Variants in SMARCB1 observed in about 807,000 individuals in gnomAD.
SMARCB1 encodes SWI/SNF related BAF chromatin remodeling complex subunit B1.
A neutral mutation model predicts 49.0 loss-of-function variants in SMARCB1; 5 were observed. That is an observed-to-expected ratio of 0.10 (90% CI 0.05 to 0.21). The LOEUF is 0.21. Among genes scored for constraint, SMARCB1 ranks in the 10% least tolerant of loss-of-function variants. SMARCB1 has a pLI of 1.00. For synonymous variants in SMARCB1, 201 were observed against 200.1 expected, an observed-to-expected ratio of 1.00 and a Z score of -0.04; for missense variants, 226 against 509.2, an observed-to-expected ratio of 0.44 and a Z score of 5.35.
In SMARCB1 at chr22:23,787,280, C is replaced by G. The variant is rs753921249; in HGVS notation, c.93+18C>G. 3 of 1,505,714 alleles carry G rather than the reference C, an allele frequency of 2.0e-6. No individual in the cohort carries two copies. Among genetic ancestry groups the G allele is most frequent in the South Asian group, 1.2e-5 (1 of 86,914 alleles). 93.3% of individuals were successfully genotyped at this position (1,505,714 alleles called of 1,614,324 possible). On this transcript the variant is annotated intron_variant, in intron 1 of 8. Coordinates refer to ENST00000644036, the MANE Select transcript of SMARCB1 (RefSeq NM_003073.5). ...GCTCCGAGGTAGCCCGGGGCGCGTT[C>G]TCGCCCTCCCCGGGCTCGGCCCCGC...
chr22:23,830,649 C>CTTTTTTTTTT lies in SMARCB1; in HGVS notation c.987-2899_987-2890dup, dbSNP rs56800497. 1.2e-3 allele frequency among the ~76,000 whole-genome samples: 116 copies of CTTTTTTTTTT among 95,400 alleles called. 2 individuals carry two copies. The highest frequency in any genetic ancestry group is 6.4e-3 in the Middle Eastern group (1 of 156). 62.6% of individuals were successfully genotyped at this position (95,400 alleles called of 152,430 possible). Reference sequence around the variant, plus strand: ...TTCATTTTGATGTAGTCCAATTTATCTTTTTTTTTTTTTTTTTTTTTTTTT... The same window carrying CTTTTTTTTTT: ...TTCATTTTGATGTAGTCCAATTTATCTTTTTTTTTTTTTTTTTTTTTTTTTTTTTTTTTTT... On this transcript the variant is annotated intron_variant, in intron 7 of 8. Coordinates refer to ENST00000644036, the MANE Select transcript of SMARCB1 (RefSeq NM_003073.5).
chr22:23,825,403 C>T lies in SMARCB1; in HGVS notation c.974C>T (p.Thr325Ile), dbSNP rs1244451002. 6.2e-7 allele frequency: 1 copy of T among 1,613,884 alleles called. No homozygotes were observed. The highest frequency in any genetic ancestry group is 8.5e-7 in the Non-Finnish European group (1 of 1,179,892). The part of the protein sequence containing the change: ...IRGQLSWHQK[T>I]YAFSENPLPT... ...GGACAGCTGAGCTGGCATCAGAAGACCTACGCCTTCAGGTAGGATCATGCA... is the reference window on the plus strand; with the variant it reads ...GGACAGCTGAGCTGGCATCAGAAGATCTACGCCTTCAGGTAGGATCATGCA... Residue 325 changes from threonine to isoleucine, a missense_variant, in exon 7 of 9, where the codon ACC becomes ATC. Transcript: ENST00000644036.
chr22:23,787,314 C>A (rs768181343), intron 1 of SMARCB1, 52 bp downstream of exon 1: 37 of 1,164,930 alleles, frequency 3.2e-5, no homozygotes, highest in Admixed American at 9.4e-5. Context: ...GCGGGAGCCC[C>A]GGGGCGGGCC....
chr22:23,823,002 A>C (rs1482125844), intron 6 of SMARCB1: 1 of 81,190 alleles, frequency 1.2e-5, no homozygotes, highest in Non-Finnish European at 2.3e-5. Flanking sequence ...TTTTTTTGAC[A>C]CAGAGTCTCG....
rs2030873824 is a variant in SMARCB1, at chr22:23,834,474, A to G, written c.*294A>G. The G allele has an allele frequency of 1.5e-6, 1 of 675,974 alleles. No individual in the cohort carries two copies. Among genetic ancestry groups the G allele is most frequent in the Non-Finnish European group, 2.6e-6 (1 of 381,046 alleles). The allele number at this position is 675,974 out of a possible 1,614,324, so 41.9% of individuals were successfully genotyped here. A position where few individuals can be genotyped will look rare whatever the true frequency, so the allele number is the denominator to read the frequency against. On this transcript the variant is annotated 3_prime_UTR_variant, in exon 9 of 9. Coordinates refer to ENST00000644036, the MANE Select transcript of SMARCB1 (RefSeq NM_003073.5). ...AGGAGCCCCAGGCAGGGCTAGTAAC[A>G]GTTTTTAAATAAAAGGCAACAGGTC...
intron 5 of SMARCB1, chr22:23,803,755 C>G (rs1929322772): frequency 2.5e-6 from 1 of 404,352 alleles, no homozygotes; most frequent in Non-Finnish European, 4.7e-6. Context: ...ACACACCTGC[C>G]TTGGGTCCTG....
chr22:23,798,059 T>TAG (rs1928890770), intron 3 of SMARCB1, among the ~76,000 whole-genome samples: 1 of 152,122 alleles, frequency 6.6e-6, no homozygotes, highest in Non-Finnish European at 1.5e-5. Context: ...GCTACTGAGA[T>TAG]AGGGCAGGAT....
At chr22:23,833,765 AG>A in intron 8 of SMARCB1, 62 bp downstream of exon 8, 1 of 1,574,312 alleles carries the variant, frequency 6.4e-7, no homozygotes, top group East Asian at 2.2e-5. Flanking sequence ...AGGCAGAGGC[AG>A]GGCCATTGCC....
rs2031226739 is a variant in SMARCB1, at chr22:23,837,887, C to T, written c.*3707C>T. 6.3e-7 allele frequency: 1 copy of T among 1,590,282 alleles called. No individual in the cohort carries two copies. The highest frequency in any genetic ancestry group is 8.6e-7 in the Non-Finnish European group (1 of 1,166,804). The stretch of plus-strand genomic sequence containing the variant: ...AGAGTCAAGGTGCTCCGGTGCAGGC[C>T]TCAGCCCAAGCCCAGGGCCCCTCTG... On this transcript the variant is annotated 3_prime_UTR_variant, in exon 9 of 9. Transcript: ENST00000644036.
At chr22:23,801,736 G>A (rs958741635) in intron 4 of SMARCB1, 5 of 244,050 alleles carry the variant, frequency 2.0e-5, no homozygotes, top group African/African-American at 1.1e-4. Flanking sequence ...GGGCCCTTCT[G>A]GTTAATCTCT....
intron 2 of SMARCB1, chr22:23,792,885 T>C: frequency 6.1e-6 from 1 of 164,048 alleles, no homozygotes; most frequent in South Asian, 1.6e-4. Flanking sequence ...TCTTGGGAGA[T>C]ACCTTCCCCA....
intron 1 of SMARCB1, among the ~76,000 whole-genome samples, chr22:23,788,478 T>G (rs1181723025): frequency 6.6e-6 from 1 of 151,716 alleles, no homozygotes; most frequent in African/African-American, 2.4e-5. Flanking sequence ...TGATCTCGGC[T>G]CACTGCAGCC....
intron 7 of SMARCB1, among the ~76,000 whole-genome samples, chr22:23,829,425 C>G (rs901803948): frequency 6.6e-5 from 10 of 152,134 alleles, no homozygotes; most frequent in African/African-American, 2.4e-4. Context: ...CCCCAGGGGG[C>G]TCTGCACACC....
chr22:23,808,674 C>T (rs903568385), intron 5 of SMARCB1, among the ~76,000 whole-genome samples: 1 of 150,994 alleles, frequency 6.6e-6, no homozygotes, highest in Non-Finnish European at 1.5e-5. Flanking sequence ...CAGTATTGTT[C>T]AGGAATGAAC....
intron 3 of SMARCB1, among the ~76,000 whole-genome samples, chr22:23,795,894 G>A (rs971915269): frequency 2.7e-5 from 4 of 150,040 alleles, no homozygotes; most frequent in East Asian, 2.1e-4. Flanking sequence ...GGGTTCAAGC[G>A]ATTCTCTTGC....
At chr22:23,832,520 G>A (rs1041612113) in intron 7 of SMARCB1, among the ~76,000 whole-genome samples, 1 of 152,176 alleles carries the variant, frequency 6.6e-6, no homozygotes, top group Non-Finnish European at 1.5e-5. Context: ...GTGCCCAAGT[G>A]GAGGAGAAAG....
rs1056378017 is a variant in SMARCB1 at position 23,834,593 on chromosome 22, C to T, written c.*413C>T. The T allele has an allele frequency of 3.2e-5, 23 of 714,564 alleles. No homozygotes were observed. Among genetic ancestry groups the T allele is most frequent in the East Asian group, 2.2e-4 (8 of 37,206 alleles). The allele number at this position is 714,564 out of a possible 1,614,324, so 44.3% of individuals were successfully genotyped here. A position where few individuals can be genotyped will look rare whatever the true frequency, so the allele number is the denominator to read the frequency against. ...GGAGTGGGGCCGGGGCCTGGGGGGA[C>T]GAAGGTGGTATGTGAACAAGGTTGG... On this transcript the variant is annotated 3_prime_UTR_variant, in exon 9 of 9. Coordinates refer to ENST00000644036, the MANE Select transcript of SMARCB1 (RefSeq NM_003073.5).
At chr22:23,810,300 G>A (rs1568947769) in intron 5 of SMARCB1, among the ~76,000 whole-genome samples, 1 of 151,630 alleles carries the variant, frequency 6.6e-6, no homozygotes. Context: ...GCCAAGGCAG[G>A]CGGATCACAA....
At chr22:23,832,893 G>A (rs1034993407) in intron 7 of SMARCB1, among the ~76,000 whole-genome samples, 2 of 152,156 alleles carry the variant, frequency 1.3e-5, no homozygotes, top group South Asian at 2.1e-4. Flanking sequence ...AAGGTACCTC[G>A]GGGCAGATTT....
Sources: allele counts gnomAD v4.1 joint callset (sites outside exome capture counted in the v4.1 genomes callset), GRCh38; gene constraint gnomAD v4.1.1; transcripts MANE v1.5; gene names NCBI Gene and HGNC (gene_info 2026-07-23, HGNC 2026-07-21).